Variants in LINGO2 observed in about 807,000 individuals in gnomAD.
LINGO2 encodes the protein leucine rich repeat and Ig domain containing 2.
Under a neutral mutation model 30.6 loss-of-function variants are expected in LINGO2, and 14 were observed. The ratio of observed to expected loss-of-function variants is 0.46; its 90% CI spans 0.30 to 0.72. The LOEUF is 0.72. Among genes scored for constraint, LINGO2 ranks in the 30% least tolerant of loss-of-function variants. LINGO2 has a pLI of 0.07. For synonymous variants in LINGO2, 317 were observed against 288.5 expected (o/e 1.10, Z -1.00); for missense variants, 729 against 751.7 (o/e 0.97, Z 0.35).
At chr9:28,744,050 A>T in the LINGO2 span, among the ~76,000 whole-genome samples, 2 of 149,936 alleles carry the variant, frequency 1.3e-5, no homozygotes, top group Non-Finnish European at 3.0e-5. Context: ...CTTCAAGCTC[A>T]ATGGTTCTTT....
intron 4 of LINGO2, among the ~76,000 whole-genome samples, chr9:28,023,832 C>A (rs189452328): frequency 5.3e-4 from 81 of 152,170 alleles, no homozygotes; most frequent in South Asian, 8.3e-4. Context: ...GTATGGGGCC[C>A]CCTAAGATTA....
the LINGO2 span, among the ~76,000 whole-genome samples, chr9:29,049,127 T>A: frequency 6.6e-6 from 1 of 152,108 alleles, no homozygotes; most frequent in East Asian, 1.9e-4. Context: ...TAGGAAAAAA[T>A]ATAATAATCC....
chr9:28,093,692 T>G (rs1826164070), intron 4 of LINGO2, among the ~76,000 whole-genome samples: 1 of 152,112 alleles, frequency 6.6e-6, no homozygotes, highest in South Asian at 2.1e-4. Context: ...AGATGCAGTG[T>G]GCTGCTAGCC....
the LINGO2 span, among the ~76,000 whole-genome samples, chr9:28,957,230 C>G: frequency 2.6e-5 from 4 of 152,240 alleles, no homozygotes; most frequent in Admixed American, 6.5e-5. Context: ...CTTACCACCA[C>G]TTAATTTTTA....
At position 28,222,388 on chromosome 9, in the gene LINGO2, C is replaced by T. The variant is rs1420843625; in HGVS notation, c.-87+72820G>A. 3.3e-5 allele frequency among the ~76,000 whole-genome samples: 5 copies of T among 152,158 alleles called. No homozygotes were observed. In the South Asian group the frequency reaches 6.2e-4, roughly 19 times the overall value. ...AAGTCATAAATCACAGCTTTTGAAT[C>T]GAATACCTATATGTGCTAATGCATT... On this transcript the variant is annotated intron_variant, in intron 4 of 5. Transcript: ENST00000379992.
the LINGO2 span, among the ~76,000 whole-genome samples, chr9:29,195,984 A>C: frequency 6.6e-6 from 1 of 152,130 alleles, no homozygotes; most frequent in Non-Finnish European, 1.5e-5. Flanking sequence ...AGAAAATAAA[A>C]TCACACGAAT....
At chr9:29,116,861 T>C in the LINGO2 span, among the ~76,000 whole-genome samples, 16 of 152,228 alleles carry the variant, frequency 1.1e-4, no homozygotes, top group African/African-American at 3.6e-4. Context: ...CTATTTACAA[T>C]AGGAAGGATA....
chr9:29,076,995 T>C, the LINGO2 span, among the ~76,000 whole-genome samples: 11 of 152,258 alleles, frequency 7.2e-5, no homozygotes, highest in Middle Eastern at 3.4e-3. Context: ...CTCCTCCTAC[T>C]ATGGTTACTG....
At chr9:28,161,827 G>A (rs771206411) in intron 4 of LINGO2, among the ~76,000 whole-genome samples, 3 of 151,824 alleles carry the variant, frequency 2.0e-5, no homozygotes, top group Non-Finnish European at 2.9e-5. Flanking sequence ...CTCGGTAGAC[G>A]CTAACTCACA....
chr9:29,142,608 A>G, the LINGO2 span, among the ~76,000 whole-genome samples: 9 of 152,052 alleles, frequency 5.9e-5, no homozygotes, highest in Non-Finnish European at 1.3e-4. Context: ...AATAAAAGAC[A>G]CTAATATCAA....
the LINGO2 span, among the ~76,000 whole-genome samples, chr9:29,123,314 A>C: frequency 1.3e-5 from 2 of 152,124 alleles, no homozygotes; most frequent in Non-Finnish European, 2.9e-5. Flanking sequence ...CTTAAACACC[A>C]AATGAGCATC....
At chr9:28,881,828 C>T in the LINGO2 span, among the ~76,000 whole-genome samples, 6 of 152,210 alleles carry the variant, frequency 3.9e-5, no homozygotes, top group Non-Finnish European at 7.3e-5. Flanking sequence ...TGCCAGGCCA[C>T]AGGATGTGTT....
chr9:28,548,853 C>T (rs1400010949), intron 1 of LINGO2, among the ~76,000 whole-genome samples: 2 of 151,448 alleles, frequency 1.3e-5, no homozygotes, highest in Non-Finnish European at 2.9e-5. Flanking sequence ...CAACTTCACC[C>T]AAGGGATATT....
chr9:29,107,747 A>G, the LINGO2 span, among the ~76,000 whole-genome samples: 8 of 152,212 alleles, frequency 5.3e-5, no homozygotes, highest in African/African-American at 1.4e-4. Context: ...GTTCATCTCA[A>G]GTATCCAGCT....
At chr9:28,518,097 C>T (rs1411171514) in intron 1 of LINGO2, among the ~76,000 whole-genome samples, 1 of 152,072 alleles carries the variant, frequency 6.6e-6, no homozygotes, top group Admixed American at 6.6e-5. Flanking sequence ...AGTCATTTTA[C>T]CTCCACAGCC....
intron 5 of LINGO2, among the ~76,000 whole-genome samples, chr9:27,951,736 T>A (rs2118361289): frequency 6.6e-6 from 1 of 152,272 alleles, no homozygotes; most frequent in Non-Finnish European, 1.5e-5. Context: ...CATATTTTAA[T>A]TAAGGTTCAG....
chr9:28,019,465 T>A (rs1823007665), intron 4 of LINGO2, among the ~76,000 whole-genome samples: 1 of 152,012 alleles, frequency 6.6e-6, no homozygotes, highest in Admixed American at 6.6e-5. Context: ...TCTGGGGGAA[T>A]ACTAAACTCA....
intron 2 of LINGO2, among the ~76,000 whole-genome samples, chr9:28,431,752 A>G (rs796630897): frequency 1.4e-4 from 21 of 152,320 alleles, no homozygotes; most frequent in African/African-American, 4.6e-4. Flanking sequence ...GCAGTTTTAT[A>G]TAATAAACAG....
chr9:29,083,434 G>T, the LINGO2 span, among the ~76,000 whole-genome samples: 4 of 152,032 alleles, frequency 2.6e-5, no homozygotes, highest in Non-Finnish European at 5.9e-5. Context: ...GGCCTGTTGT[G>T]GGGTGAGGGA....
Sources: allele counts gnomAD v4.1 joint callset (sites outside exome capture counted in the v4.1 genomes callset), GRCh38; gene constraint gnomAD v4.1.1; transcripts MANE v1.5; gene names NCBI Gene and HGNC (gene_info 2026-07-23, HGNC 2026-07-21).